The following ATG10 variants were observed in gnomAD, a reference collection of about 807,000 sequenced individuals.
ATG10 encodes autophagy related 10.
ATG10 carries 30 observed loss-of-function variants against 32.1 expected under a neutral mutation model. The observed-to-expected ratio is 0.94, with a 90% CI of 0.70 to 1.27. ATG10 has a LOEUF of 1.27. Ranked by LOEUF, ATG10 falls within the 50% of genes most tolerant of loss-of-function variation. The probability of loss-of-function intolerance (pLI) is 0.00; values close to 1 mark genes in which losing one functional copy is unlikely to be tolerated. For synonymous variants in ATG10, 87 were observed against 91.5 expected, an observed-to-expected ratio of 0.95 and a Z score of 0.28; for missense variants, 233 against 262.3, an observed-to-expected ratio of 0.89 and a Z score of 0.77.
chr5:82,098,050 C>T (rs949842917), intron 3 of ATG10, among the ~76,000 whole-genome samples: 1 of 152,142 alleles, frequency 6.6e-6, no homozygotes, highest in Admixed American at 6.5e-5. Flanking sequence ...TCAACAGTGG[C>T]CGCTTGACCA....
intron 2 of ATG10, among the ~76,000 whole-genome samples, chr5:82,042,236 T>G (rs1422072190): frequency 6.6e-6 from 1 of 152,112 alleles, no homozygotes; most frequent in Non-Finnish European, 1.5e-5. Flanking sequence ...ATCTTCACAA[T>G]AGTGCAGCAG....
chr5:82,235,073 C>T (rs964380324), intron 5 of ATG10, among the ~76,000 whole-genome samples: 3 of 152,182 alleles, frequency 2.0e-5, no homozygotes, highest in Non-Finnish European at 4.4e-5. Flanking sequence ...GCACAGACTC[C>T]TAGGGGATGG....
intron 2 of ATG10, among the ~76,000 whole-genome samples, chr5:81,997,247 T>C (rs1321285867): frequency 6.6e-6 from 1 of 152,118 alleles, no homozygotes; most frequent in Non-Finnish European, 1.5e-5. Context: ...CCCATTGGAG[T>C]GTTGTGGCCA....
intron 5 of ATG10, among the ~76,000 whole-genome samples, chr5:82,226,236 G>A (rs1250854853): frequency 1.3e-5 from 2 of 152,156 alleles, no homozygotes; most frequent in African/African-American, 4.8e-5. Flanking sequence ...GCCCATATTA[G>A]CAGCTTGCTT....
rs10601125 is a variant in ATG10, at chr5:82,027,075, AAAATAAATAAATAAAT to A, written c.109-31399_109-31384del. 3.5e-5 allele frequency among the ~76,000 whole-genome samples: 5 copies of A among 144,828 alleles called. No individual in the cohort carries two copies. The South Asian group carries it at 6.9e-4, about 20-fold the overall frequency. On this transcript the variant is annotated intron_variant, in intron 2 of 7. Transcript: ENST00000282185. ...CTCCATCTCAGAAAAATGAATAAATAAAATAAATAAATAAATAAATAAATAAATAAATAAATTTATT... is the reference window on the plus strand; with the variant it reads ...CTCCATCTCAGAAAAATGAATAAATAAAATAAATAAATAAATAAATTTATT...
intron 5 of ATG10, among the ~76,000 whole-genome samples, chr5:82,195,169 C>T (rs1744805202): frequency 6.6e-6 from 1 of 152,192 alleles, no homozygotes; most frequent in Non-Finnish European, 1.5e-5. Flanking sequence ...CAAGCCTGAG[C>T]TCTCTCTTGC....
intron 2 of ATG10, among the ~76,000 whole-genome samples, chr5:82,013,531 G>A (rs1283633128): frequency 1.3e-5 from 2 of 152,058 alleles, no homozygotes; most frequent in Admixed American, 6.6e-5. Context: ...AGATACCCAG[G>A]TTGCTGCATC....
At chr5:82,163,208 A>G (rs1025663012) in intron 3 of ATG10, among the ~76,000 whole-genome samples, 1 of 152,194 alleles carries the variant, frequency 6.6e-6, no homozygotes, top group African/African-American at 2.4e-5. Flanking sequence ...TTGCTACTGT[A>G]TTAATTTTCT....
intron 5 of ATG10, among the ~76,000 whole-genome samples, chr5:82,214,344 A>T (rs533515249): frequency 6.6e-6 from 1 of 152,326 alleles, no homozygotes; most frequent in African/African-American, 2.4e-5. Context: ...TGAAACTACA[A>T]CCAAAAAAAT....
chr5:82,227,417 C>T (rs1038863252), intron 5 of ATG10, among the ~76,000 whole-genome samples: 1 of 151,872 alleles, frequency 6.6e-6, no homozygotes, highest in Non-Finnish European at 1.5e-5. Context: ...ATCTGTCATC[C>T]AGGCTGGAGT....
intron 3 of ATG10, among the ~76,000 whole-genome samples, chr5:82,084,592 G>A (rs1764602946): frequency 6.6e-6 from 1 of 152,186 alleles, no homozygotes; most frequent in Non-Finnish European, 1.5e-5. Flanking sequence ...GAAAGGTCGG[G>A]TTACCCACAA....
At chr5:82,076,529 A>C (rs1326702951) in intron 3 of ATG10, among the ~76,000 whole-genome samples, 2 of 152,144 alleles carry the variant, frequency 1.3e-5, no homozygotes. Context: ...TTTCATGGCC[A>C]TGTAGTTCTT....
chr5:82,171,785 G>A (rs761732469), intron 4 of ATG10, among the ~76,000 whole-genome samples: 1 of 152,158 alleles, frequency 6.6e-6, no homozygotes, highest in Non-Finnish European at 1.5e-5. Context: ...TTCTTAGAAT[G>A]TGCTAATTAC....
chr5:82,224,562 T>C (rs1203838299), intron 5 of ATG10, among the ~76,000 whole-genome samples: 2 of 151,992 alleles, frequency 1.3e-5, no homozygotes, highest in Non-Finnish European at 2.9e-5. Flanking sequence ...AAGGAGAGAA[T>C]AGAGGCTCTA....
At chr5:82,105,737 C>T (rs760555176) in intron 3 of ATG10, among the ~76,000 whole-genome samples, 3 of 152,102 alleles carry the variant, frequency 2.0e-5, no homozygotes, top group African/African-American at 7.2e-5. Flanking sequence ...CAGAGTGGCA[C>T]CCAGTCACCA....
At chr5:82,213,711 A>G (rs1189899056) in intron 5 of ATG10, among the ~76,000 whole-genome samples, 1 of 152,144 alleles carries the variant, frequency 6.6e-6, no homozygotes, top group Admixed American at 6.5e-5. Context: ...CATCTTGTCT[A>G]CTAGAATGTA....
chr5:81,990,632 G>C (rs1761426037), intron 2 of ATG10, among the ~76,000 whole-genome samples: 1 of 152,222 alleles, frequency 6.6e-6, no homozygotes, highest in South Asian at 2.1e-4. Context: ...TCTGTTGGCT[G>C]CCACTGGTTG....
chr5:82,248,036 A>G (rs894176515), intron 5 of ATG10, among the ~76,000 whole-genome samples: 1 of 152,190 alleles, frequency 6.6e-6, no homozygotes, highest in African/African-American at 2.4e-5. Context: ...TCTTTTGCCA[A>G]TGGATGTGTA....
intron 5 of ATG10, among the ~76,000 whole-genome samples, chr5:82,241,238 A>G (rs1051292654): frequency 8.5e-5 from 13 of 152,182 alleles, no homozygotes; most frequent in Non-Finnish European, 1.6e-4. Flanking sequence ...AAATAAATCC[A>G]AATCTGACTG....
Sources: allele counts gnomAD v4.1 joint callset (sites outside exome capture counted in the v4.1 genomes callset), GRCh38; gene constraint gnomAD v4.1.1; transcripts MANE v1.5; gene names NCBI Gene and HGNC (gene_info 2026-07-23, HGNC 2026-07-21).